TRDN: variants seen among roughly 807,000 people sequenced by gnomAD.
The protein encoded by TRDN is triadin in skeletal muscle.
Under a neutral mutation model 149.7 loss-of-function variants are expected in TRDN, and 161 were observed. That is an observed-to-expected ratio of 1.08 (90% CI 0.95 to 1.23). The LOEUF (loss-of-function observed/expected upper bound fraction) is 1.23. Among genes scored for constraint, TRDN ranks in the 50% most tolerant of loss-of-function variants. The probability of loss-of-function intolerance (pLI) is 0.00; values close to 1 mark genes in which losing one functional copy is unlikely to be tolerated. For missense variants in TRDN, 896 were observed against 823.5 expected (o/e 1.09, Z -1.08); for synonymous variants, 294 against 250.5 (o/e 1.17, Z -1.64).
chr6:123,526,031 G>A (rs1039420399), intron 5 of TRDN, among the ~76,000 whole-genome samples: 1 of 152,048 alleles, frequency 6.6e-6, no homozygotes, highest in Non-Finnish European at 1.5e-5. Context: ...GGCCCAGTTT[G>A]TGGTAATTTG....
At chr6:123,517,078 A>C (rs1779445860) in intron 5 of TRDN, among the ~76,000 whole-genome samples, 1 of 152,160 alleles carries the variant, frequency 6.6e-6, no homozygotes, top group Admixed American at 6.6e-5. Flanking sequence ...TAAGCTAATG[A>C]CTAGTGGATG....
At chr6:123,558,811 T>C (rs1039222978) in intron 2 of TRDN, among the ~76,000 whole-genome samples, 9 of 152,160 alleles carry the variant, frequency 5.9e-5, no homozygotes, top group African/African-American at 1.7e-4. Flanking sequence ...GCCTCCACTG[T>C]GAGACAAACC....
At chr6:123,244,051 T>A (rs2114551168) in intron 38 of TRDN, among the ~76,000 whole-genome samples, 1 of 151,950 alleles carries the variant, frequency 6.6e-6, no homozygotes, top group South Asian at 2.1e-4. Flanking sequence ...AACATCAACA[T>A]CAACAAAAAG....
At chr6:123,487,575 G>C (rs926765568) in intron 9 of TRDN, among the ~76,000 whole-genome samples, 11 of 151,822 alleles carry the variant, frequency 7.2e-5, no homozygotes, top group African/African-American at 2.4e-4. Context: ...TCATTGTTCT[G>C]CTTAAAGTCC....
chr6:123,269,817 A>G, intron 31 of TRDN, 32 bp downstream of exon 31: 2 of 1,605,028 alleles, frequency 1.2e-6, no homozygotes, highest in Middle Eastern at 1.7e-4. Flanking sequence ...GTCAAGCGAT[A>G]TTTCTCAGGT....
intron 2 of TRDN, among the ~76,000 whole-genome samples, chr6:123,569,109 T>C (rs1360540972): frequency 2.0e-5 from 3 of 152,164 alleles, no homozygotes; most frequent in African/African-American, 7.2e-5. Context: ...TTTTACTGCT[T>C]AGATATTTCT....
intron 33 of TRDN, among the ~76,000 whole-genome samples, chr6:123,263,877 C>T (rs1295062142): frequency 4.6e-5 from 7 of 151,982 alleles, no homozygotes; most frequent in African/African-American, 1.7e-4. Context: ...ACTGGAATAA[C>T]AAAATCTAGA....
chr6:123,315,779 A>G (rs986280039), intron 24 of TRDN, among the ~76,000 whole-genome samples: 60 of 152,070 alleles, frequency 3.9e-4, no homozygotes, highest in African/African-American at 1.4e-3. Flanking sequence ...TTCCTTTTCT[A>G]CATTTTCCCA....
chr6:123,454,830 C>T (rs559447528), intron 10 of TRDN, among the ~76,000 whole-genome samples: 230 of 152,336 alleles, frequency 1.5e-3, no homozygotes, highest in African/African-American at 5.4e-3. Flanking sequence ...GGAACAGTTT[C>T]ATCCTGAAAC....
intron 10 of TRDN, among the ~76,000 whole-genome samples, chr6:123,440,367 ACTT>A (rs986632997): frequency 4.6e-5 from 7 of 152,180 alleles, no homozygotes; most frequent in African/African-American, 1.7e-4. Flanking sequence ...ATTGATTTCC[ACTT>A]CTTCTTTTCT....
chr6:123,285,561 T>C (rs1163251086), intron 24 of TRDN, among the ~76,000 whole-genome samples: 7 of 152,078 alleles, frequency 4.6e-5, no homozygotes, highest in Non-Finnish European at 8.8e-5. Flanking sequence ...GGCTTAAAAC[T>C]AAGACCTGAA....
intron 19 of TRDN, among the ~76,000 whole-genome samples, chr6:123,374,943 C>T (rs1002324661): frequency 6.6e-6 from 1 of 152,072 alleles, no homozygotes; most frequent in Non-Finnish European, 1.5e-5. Flanking sequence ...GACTTAAATC[C>T]TATATACAAA....
chr6:123,513,533 C>T (rs1344227313), intron 6 of TRDN, among the ~76,000 whole-genome samples: 1 of 151,644 alleles, frequency 6.6e-6, no homozygotes, highest in Non-Finnish European at 1.5e-5. Flanking sequence ...ATACACAGAG[C>T]CTAGTGCTAA....
chr6:123,541,623 C>T (rs1198530245), intron 4 of TRDN, among the ~76,000 whole-genome samples: 1 of 151,964 alleles, frequency 6.6e-6, no homozygotes, highest in Non-Finnish European at 1.5e-5. Context: ...AGCCTGAGAG[C>T]GATATGCGAT....
chr6:123,223,112 G>T (rs1311747157), intron 39 of TRDN, among the ~76,000 whole-genome samples: 1 of 151,770 alleles, frequency 6.6e-6, no homozygotes, highest in East Asian at 1.9e-4. Context: ...GCTAAAAACA[G>T]AACTATCATT....
intron 1 of TRDN, among the ~76,000 whole-genome samples, chr6:123,622,212 T>C (rs941906171): frequency 2.6e-5 from 4 of 152,018 alleles, no homozygotes; most frequent in African/African-American, 9.7e-5. Flanking sequence ...TTCCACTAAA[T>C]GGATACTAAA....
chr6:123,495,239 C>A (rs1583143170), intron 9 of TRDN, among the ~76,000 whole-genome samples: 2 of 151,714 alleles, frequency 1.3e-5, no homozygotes, highest in Non-Finnish European at 2.9e-5. Flanking sequence ...ATTTTTTTTG[C>A]CAGTTGCAGT....
At chr6:123,472,232 C>G (rs78542681) in intron 9 of TRDN, among the ~76,000 whole-genome samples, 1 of 152,116 alleles carries the variant, frequency 6.6e-6, no homozygotes, top group South Asian at 2.1e-4. Flanking sequence ...GCGCACCGTG[C>G]GCAAGCCAAA....
rs541796705 is a variant in TRDN at position 123,453,471 on chromosome 6, A to G, written c.931+11435T>C. Among the ~76,000 whole-genome samples, 13 of 152,312 alleles carry G rather than the reference A, an allele frequency of 8.5e-5. No homozygotes were observed. The South Asian group carries it at 2.7e-3, about 32-fold the overall frequency. On this transcript the variant is annotated intron_variant, in intron 10 of 40. Transcript: ENST00000334268. ...AGGACATGAATAGACAATTCTCAAA[A>G]GAAGATATACAAATGGCCAACAAAA...
Sources: allele counts gnomAD v4.1 joint callset (sites outside exome capture counted in the v4.1 genomes callset), GRCh38; gene constraint gnomAD v4.1.1; transcripts MANE v1.5; gene names NCBI Gene and HGNC (gene_info 2026-07-23, HGNC 2026-07-21).